The following RERG variants were observed in gnomAD, a reference collection of about 807,000 sequenced individuals.
The protein encoded by RERG is RAS like estrogen regulated growth inhibitor, also known as ras-related and estrogen-regulated growth inhibitor.
A neutral mutation model predicts 23.2 loss-of-function variants in RERG; 25 were observed. The observed-to-expected ratio is 1.08, with a 90% confidence interval of 0.79 to 1.50. RERG has a LOEUF of 1.50. RERG is among the 40% of genes most tolerant of loss of function. The pLI is 0.00. For synonymous variants in RERG, 81 were observed against 89.1 expected, an observed-to-expected ratio of 0.91 and a Z score of 0.51; for missense variants, 253 against 250.1, an observed-to-expected ratio of 1.01 and a Z score of -0.08.
intron 2 of RERG, among the ~76,000 whole-genome samples, chr12:15,147,400 A>C (rs1864353238): frequency 6.6e-6 from 1 of 152,220 alleles, no homozygotes; most frequent in Non-Finnish European, 1.5e-5. Context: ...TATTTGGGGG[A>C]AAAATTTTTA....
chr12:15,109,659 C>T (rs976786284), intron 4 of RERG, 142 bp from the exon 5 acceptor site: 1 of 617,308 alleles, frequency 1.6e-6, no homozygotes, highest in African/African-American at 1.9e-5. Flanking sequence ...ATTGTACAAA[C>T]TTTCTAAATA....
intron 2 of RERG, among the ~76,000 whole-genome samples, chr12:15,128,887 T>C (rs1863993394): frequency 6.6e-6 from 1 of 152,202 alleles, no homozygotes; most frequent in African/African-American, 2.4e-5. Context: ...TTCCAATTCC[T>C]CGTCCCCTGG....
intron 2 of RERG, among the ~76,000 whole-genome samples, chr12:15,176,574 T>A (rs2136125844): frequency 6.6e-6 from 1 of 152,320 alleles, no homozygotes; most frequent in Non-Finnish European, 1.5e-5. Flanking sequence ...TGACTGAGTA[T>A]ATAAACCTAC....
intron 2 of RERG, among the ~76,000 whole-genome samples, chr12:15,159,856 A>AAAAC (rs34290670): frequency 0.17 from 25,528 of 152,048 alleles, 2,223 homozygotes; most frequent in East Asian, 0.23. Context: ...TAATGGAAAC[A>AAAAC]AAACAACAAC....
chr12:15,161,749 G>T (rs866562367), intron 2 of RERG, among the ~76,000 whole-genome samples: 4 of 151,970 alleles, frequency 2.6e-5, no homozygotes, highest in African/African-American at 9.7e-5. Context: ...TATAACTAAG[G>T]AATCAATACT....
chr12:15,117,584 A>G (rs1863746348), intron 3 of RERG, among the ~76,000 whole-genome samples: 1 of 151,972 alleles, frequency 6.6e-6, no homozygotes, highest in African/African-American at 2.4e-5. Context: ...AGCAGATTCA[A>G]ACACAGTGCC....
chr12:15,128,477 TAC>T (rs1172659863), intron 2 of RERG, among the ~76,000 whole-genome samples: 2 of 152,198 alleles, frequency 1.3e-5, no homozygotes, highest in Non-Finnish European at 2.9e-5. Flanking sequence ...GAAAATAAGA[TAC>T]AGTTTCTATT....
chr12:15,131,638 T>G (rs1429537067), intron 2 of RERG, among the ~76,000 whole-genome samples: 4 of 152,102 alleles, frequency 2.6e-5, no homozygotes, highest in Non-Finnish European at 5.9e-5. Context: ...TGACTAAGTA[T>G]CCCAGAGAAG....
intron 2 of RERG, among the ~76,000 whole-genome samples, chr12:15,171,019 G>T (rs559318206): frequency 6.6e-6 from 1 of 152,148 alleles, no homozygotes; most frequent in South Asian, 2.1e-4. Context: ...AATTTAATTG[G>T]TGCATTTATT....
intron 2 of RERG, among the ~76,000 whole-genome samples, chr12:15,161,232 G>GAAA (rs1864611057): frequency 8.3e-6 from 1 of 120,270 alleles, no homozygotes; most frequent in African/African-American, 2.9e-5. Flanking sequence ...GAAAGAAACA[G>GAAA]GGGCATCACT....
chr12:15,215,435 T>C (rs1413251236), intron 2 of RERG, among the ~76,000 whole-genome samples: 1 of 152,082 alleles, frequency 6.6e-6, no homozygotes, highest in Non-Finnish European at 1.5e-5. Context: ...GAGTGTGATG[T>C]CATGGGAGCC....
At chr12:15,178,104 T>C (rs1016272784) in intron 2 of RERG, among the ~76,000 whole-genome samples, 4 of 152,124 alleles carry the variant, frequency 2.6e-5, no homozygotes, top group African/African-American at 4.8e-5. Flanking sequence ...AATAAGAAAG[T>C]AGAAAGCCAT....
intron 2 of RERG, among the ~76,000 whole-genome samples, chr12:15,179,110 G>T (rs77000283): frequency 1.3e-5 from 2 of 152,136 alleles, no homozygotes; most frequent in Non-Finnish European, 2.9e-5. Flanking sequence ...GTATGTTTTG[G>T]GGGTAGGGAA....
intron 2 of RERG, among the ~76,000 whole-genome samples, chr12:15,211,721 A>T (rs1420654633): frequency 1.3e-5 from 2 of 152,196 alleles, no homozygotes; most frequent in Non-Finnish European, 2.9e-5. Context: ...GAGGGGATGG[A>T]CATGCTAATT....
Position 15,166,339 on chromosome 12 carries a change from T to C in RERG, c.62-45220A>G, listed in dbSNP as rs374976594. ...CATAATATTCACACAATTCATCCAA[T>C]TGAATCAAATTCCTTAATCCTATGT... is the stretch of plus-strand genomic sequence containing the variant. On this transcript the variant is annotated intron_variant, in intron 2 of 4. Coordinates refer to ENST00000256953, the MANE Select transcript of RERG (RefSeq NM_032918.3). 9.2e-5 allele frequency among the ~76,000 whole-genome samples: 14 copies of C among 152,334 alleles called. No homozygotes were observed. The South Asian group carries it at 2.5e-3, about 27-fold the overall frequency.
intron 2 of RERG, among the ~76,000 whole-genome samples, chr12:15,142,263 T>C (rs1864250626): frequency 6.6e-6 from 1 of 152,228 alleles, no homozygotes; most frequent in Admixed American, 6.5e-5. Flanking sequence ...AGATTCACTT[T>C]GCCAATCTTA....
intron 2 of RERG, among the ~76,000 whole-genome samples, chr12:15,199,958 C>A (rs562358208): frequency 6.6e-6 from 1 of 152,014 alleles, no homozygotes; most frequent in East Asian, 1.9e-4. Context: ...ACTTTTGGGC[C>A]ATTCAAACTA....
chr12:15,149,721 T>G (rs1864405762), intron 2 of RERG, among the ~76,000 whole-genome samples: 1 of 152,228 alleles, frequency 6.6e-6, no homozygotes, highest in African/African-American at 2.4e-5. Flanking sequence ...TTTAGCCTAT[T>G]TGTACTAAAT....
chr12:15,186,026 G>GA (rs940153207), intron 2 of RERG, among the ~76,000 whole-genome samples: 31 of 151,876 alleles, frequency 2.0e-4, no homozygotes, highest in African/African-American at 2.2e-4. Flanking sequence ...CAATATTTTA[G>GA]AAAAATATAA....
Sources: gnomAD v4.1 joint callset for allele counts (sites outside exome capture counted in the v4.1 genomes callset) on GRCh38, gnomAD v4.1.1 for gene constraint, MANE v1.5 for transcripts, NCBI Gene and HGNC (gene_info 2026-07-23, HGNC 2026-07-21) for gene names.